Variants in CTNND2 observed in about 807,000 individuals in gnomAD.
The protein encoded by CTNND2 is catenin delta 2.
Under a neutral mutation model 144.4 loss-of-function variants are expected in CTNND2, and 22 were observed. The observed-to-expected ratio is 0.15, with a 90% confidence interval of 0.11 to 0.22. The LOEUF (loss-of-function observed/expected upper bound fraction) is 0.22, where lower values mean the gene tolerates loss of function less well. Ranked by LOEUF, CTNND2 falls within the 10% of genes least tolerant of loss-of-function variation. CTNND2 has a pLI of 1.00. For synonymous variants in CTNND2, 751 were observed against 695.6 expected, an observed-to-expected ratio of 1.08 and a Z score of -1.25; for missense variants, 1,353 against 1,618.8, an observed-to-expected ratio of 0.84 and a Z score of 2.82.
chr5:11,792,014 T>C (rs1335842473), intron 1 of CTNND2, among the ~76,000 whole-genome samples: 1 of 152,180 alleles, frequency 6.6e-6, no homozygotes, highest in Non-Finnish European at 1.5e-5. Flanking sequence ...ACAAATAGAA[T>C]TAATTGACTT....
At chr5:11,682,408 C>T (rs962019161) in intron 2 of CTNND2, among the ~76,000 whole-genome samples, 2 of 152,164 alleles carry the variant, frequency 1.3e-5, no homozygotes, top group Non-Finnish European at 2.9e-5. Flanking sequence ...GTAGCATTTG[C>T]ACATTATCAC....
chr5:11,286,493 T>A (rs1328716738), intron 9 of CTNND2, among the ~76,000 whole-genome samples: 4 of 152,208 alleles, frequency 2.6e-5, no homozygotes, highest in African/African-American at 9.7e-5. Flanking sequence ...GAATAGCCGA[T>A]ATGGGACCTG....
chr5:11,396,432 C>T (rs1269986126), intron 6 of CTNND2, among the ~76,000 whole-genome samples: 1 of 151,970 alleles, frequency 6.6e-6, no homozygotes, highest in Non-Finnish European at 1.5e-5. Context: ...TTGGTTTTAA[C>T]TGCAGCTAAT....
In CTNND2 at chr5:11,227,062, G is replaced by A. The variant is rs563135504; in HGVS notation, c.1761+9629C>T. Among the ~76,000 whole-genome samples, 52 of 152,258 alleles carry A rather than the reference G, an allele frequency of 3.4e-4. 1 individual carries two copies. Among genetic ancestry groups the A allele is most frequent in the Non-Finnish European group, 4.6e-4 (31 of 68,028 alleles). ...GTGGCTTAGCACAGAGCCACACACC[G>A]TGTGTGTGTGTTCAATTTCCTTTGC... On this transcript the variant is annotated intron_variant, in intron 10 of 21. Coordinates refer to ENST00000304623, the MANE Select transcript of CTNND2 (RefSeq NM_001332.4).
At chr5:11,316,393 T>C (rs32116) in intron 9 of CTNND2, among the ~76,000 whole-genome samples, 4,974 of 152,002 alleles carry the variant, frequency 0.033, 299 homozygotes, top group African/African-American at 0.11. Flanking sequence ...ACCTGGCTAA[T>C]CTAAGCACTT....
intron 14 of CTNND2, among the ~76,000 whole-genome samples, chr5:11,109,973 C>A (rs1406925327): frequency 1.3e-5 from 2 of 152,150 alleles, no homozygotes; most frequent in African/African-American, 4.8e-5. Context: ...TTTTATATTG[C>A]TTTTTTTCAC....
chr5:11,884,660 CTT>C (rs1736386745), intron 1 of CTNND2, among the ~76,000 whole-genome samples: 1 of 151,604 alleles, frequency 6.6e-6, no homozygotes, highest in South Asian at 2.1e-4. Context: ...ATTTTTTTCT[CTT>C]GTCTATTCAC....
At chr5:11,380,370 A>G (rs1758354895) in intron 7 of CTNND2, among the ~76,000 whole-genome samples, 2 of 152,332 alleles carry the variant, frequency 1.3e-5, no homozygotes, top group Middle Eastern at 3.4e-3. Context: ...GTTAACTTCT[A>G]TTGAGCCAGA....
intron 9 of CTNND2, among the ~76,000 whole-genome samples, chr5:11,256,142 CT>C (rs1744219210): frequency 6.6e-6 from 1 of 152,224 alleles, no homozygotes; most frequent in Non-Finnish European, 1.5e-5. Context: ...TCACTTCCTC[CT>C]CGGCTAACTT....
chr5:11,564,168 C>T (rs531692758), intron 3 of CTNND2, among the ~76,000 whole-genome samples: 1 of 152,192 alleles, frequency 6.6e-6, no homozygotes, highest in Non-Finnish European at 1.5e-5. Flanking sequence ...AAGTTCACTG[C>T]AGTATTCACT....
At chr5:11,865,902 C>CCAAAAAAAAA (rs766558059) in intron 1 of CTNND2, among the ~76,000 whole-genome samples, 1 of 87,426 alleles carries the variant, frequency 1.1e-5, no homozygotes, top group Non-Finnish European at 2.2e-5. Context: ...CTGGAAGAGA[C>CCAAAAAAAAA]AAAAAAAAAA....
rs542527930 is a variant in CTNND2, at chr5:11,365,927, G to A, written c.1178-1037C>T. ...CAGAACACGGACAAGAACCAAAGGAGACAATGGCTGATTTTGGGAATGAGC... is the reference window on the plus strand; with the variant it reads ...CAGAACACGGACAAGAACCAAAGGAAACAATGGCTGATTTTGGGAATGAGC... On this transcript the variant is annotated intron_variant, in intron 7 of 21. Transcript: ENST00000304623. Among the ~76,000 whole-genome samples, 6 of 152,286 alleles carry A rather than the reference G, an allele frequency of 3.9e-5. No homozygotes were observed. In the South Asian group the frequency reaches 1.2e-3, roughly 32 times the overall value.
At chr5:11,252,192 C>T (rs993575095) in intron 9 of CTNND2, among the ~76,000 whole-genome samples, 1 of 152,168 alleles carries the variant, frequency 6.6e-6, no homozygotes, top group African/African-American at 2.4e-5. Flanking sequence ...CCATTTGTTG[C>T]CCTTTCCCCA....
intron 1 of CTNND2, among the ~76,000 whole-genome samples, chr5:11,838,650 C>A (rs993376985): frequency 1.3e-5 from 2 of 152,306 alleles, no homozygotes; most frequent in African/African-American, 4.8e-5. Flanking sequence ...TATGACTCCT[C>A]CCTCAAGCCT....
chr5:11,166,139 G>A (rs1759300795), intron 11 of CTNND2, among the ~76,000 whole-genome samples: 1 of 151,538 alleles, frequency 6.6e-6, no homozygotes, highest in Non-Finnish European at 1.5e-5. Flanking sequence ...TCTACTTAGT[G>A]TATTTATGAG....
At chr5:11,493,843 A>C (rs1424880505) in intron 3 of CTNND2, among the ~76,000 whole-genome samples, 1 of 152,180 alleles carries the variant, frequency 6.6e-6, no homozygotes, top group Non-Finnish European at 1.5e-5. Context: ...TGGCTTTACT[A>C]ATTTTCTCTA....
Position 11,549,253 on chromosome 5 carries a change from C to T in CTNND2, c.287+15691G>A, listed in dbSNP as rs557554704. Among the ~76,000 whole-genome samples, 10 of 152,222 alleles carry T rather than the reference C, an allele frequency of 6.6e-5. No homozygotes were observed. In the South Asian group the frequency reaches 1.0e-3, roughly 16 times the overall value. The stretch of plus-strand genomic sequence containing the variant: ...CTTGAGGGCAGGCAGTTTTTCTTAT[C>T]GGGATCTATATTTGGCGTCTGTAAC... On this transcript the variant is annotated intron_variant, in intron 3 of 21. Coordinates refer to ENST00000304623, the MANE Select transcript of CTNND2 (RefSeq NM_001332.4).
At chr5:11,551,761 G>A (rs1415140183) in intron 3 of CTNND2, among the ~76,000 whole-genome samples, 3 of 152,218 alleles carry the variant, frequency 2.0e-5, no homozygotes, top group African/African-American at 7.2e-5. Context: ...TCCACATCCA[G>A]CTAATTTTTT....
intron 16 of CTNND2, among the ~76,000 whole-genome samples, chr5:11,043,574 T>C (rs769170067): frequency 3.3e-5 from 5 of 152,164 alleles, no homozygotes; most frequent in Non-Finnish European, 7.4e-5. Context: ...AGAGACCAAG[T>C]AGATATAAAA....
Sources: allele counts gnomAD v4.1 joint callset (sites outside exome capture counted in the v4.1 genomes callset), GRCh38; gene constraint gnomAD v4.1.1; transcripts MANE v1.5; gene names NCBI Gene and HGNC (gene_info 2026-07-23, HGNC 2026-07-21).